EYS: variants seen among roughly 807,000 people sequenced by gnomAD.
EYS encodes protein eyes shut homolog.
Under a neutral mutation model 282.1 loss-of-function variants are expected in EYS, and 250 were observed. The ratio of observed to expected loss-of-function variants is 0.89; its 90% confidence interval spans 0.80 to 0.98. The LOEUF is 0.98. Among genes scored for constraint, EYS ranks in the 50% least tolerant of loss-of-function variants. The pLI is 0.00. For synonymous variants in EYS, 1,355 were observed against 1,282.9 expected (o/e 1.06, Z -1.20); for missense variants, 4,016 against 3,709.0 (o/e 1.08, Z -2.15).
intron 34 of EYS, among the ~76,000 whole-genome samples, chr6:63,991,558 A>G (rs1337687878): frequency 6.6e-6 from 1 of 151,592 alleles, no homozygotes; most frequent in Non-Finnish European, 1.5e-5. Context: ...GTAATGCCTG[A>G]ATTTAAAAAT....
intron 31 of EYS, among the ~76,000 whole-genome samples, chr6:64,217,536 C>A (rs372587915): frequency 6.6e-6 from 1 of 151,862 alleles, no homozygotes; most frequent in Non-Finnish European, 1.5e-5. Context: ...CCCCCTGCCA[C>A]CCCCAAGAAA....
At chr6:64,151,685 A>G (rs1379931254) in intron 31 of EYS, among the ~76,000 whole-genome samples, 5 of 152,056 alleles carry the variant, frequency 3.3e-5, no homozygotes, top group African/African-American at 1.2e-4. Flanking sequence ...AAATAAGTAT[A>G]TATATCATCA....
At chr6:63,750,144 A>G (rs1317723399) in intron 41 of EYS, among the ~76,000 whole-genome samples, 1 of 152,010 alleles carries the variant, frequency 6.6e-6, no homozygotes, top group East Asian at 1.9e-4. Flanking sequence ...TATTTTGTTC[A>G]TGCATAATTT....
chr6:65,229,269 A>G (rs576041116), intron 12 of EYS, among the ~76,000 whole-genome samples: 1 of 80,246 alleles, frequency 1.2e-5, no homozygotes, highest in African/African-American at 3.2e-5. Flanking sequence ...CGGCTAGATA[A>G]ACAAAAAAGA....
At chr6:63,807,260 A>G (rs1399546743) in intron 36 of EYS, among the ~76,000 whole-genome samples, 2 of 152,122 alleles carry the variant, frequency 1.3e-5, no homozygotes, top group African/African-American at 4.8e-5. Flanking sequence ...TGTTCCTAGG[A>G]TCTATTTTTA....
At chr6:65,086,546 T>G (rs1188760016) in intron 12 of EYS, among the ~76,000 whole-genome samples, 2 of 152,132 alleles carry the variant, frequency 1.3e-5, no homozygotes, top group Non-Finnish European at 2.9e-5. Context: ...AGCAGAGATA[T>G]TATTTCCAAA....
intron 2 of EYS, among the ~76,000 whole-genome samples, chr6:65,592,142 T>C (rs1257958484): frequency 3.3e-5 from 5 of 151,976 alleles, no homozygotes; most frequent in Non-Finnish European, 7.4e-5. Context: ...TTCTATTCTA[T>C]AGCTTTCACT....
intron 30 of EYS, among the ~76,000 whole-genome samples, chr6:64,245,429 C>T (rs1401926253): frequency 6.7e-6 from 1 of 149,362 alleles, no homozygotes; most frequent in Non-Finnish European, 1.5e-5. Context: ...ATCCTCTTAC[C>T]TAAGCCTCCC....
intron 4 of EYS, chr6:65,491,581 C>T (rs1438393324): frequency 1.1e-5 from 5 of 435,124 alleles, no homozygotes; most frequent in South Asian, 1.7e-5. Flanking sequence ...CATTTGCCTC[C>T]AAGCAACCCT....
intron 2 of EYS, among the ~76,000 whole-genome samples, chr6:65,605,452 G>A (rs1765753719): frequency 6.6e-6 from 1 of 151,862 alleles, no homozygotes; most frequent in Non-Finnish European, 1.5e-5. Context: ...ATGTCCACGT[G>A]CATATAAATT....
chr6:64,666,664 A>G (rs1448196204), intron 22 of EYS, among the ~76,000 whole-genome samples: 1 of 152,136 alleles, frequency 6.6e-6, no homozygotes, highest in East Asian at 1.9e-4. Flanking sequence ...ATGACTACTA[A>G]CTTGTGTTTC....
At chr6:64,854,953 G>C (rs1766007473) in intron 19 of EYS, among the ~76,000 whole-genome samples, 1 of 152,018 alleles carries the variant, frequency 6.6e-6, no homozygotes, top group Non-Finnish European at 1.5e-5. Flanking sequence ...AGACTTTTGT[G>C]TTGACAGTTT....
intron 22 of EYS, among the ~76,000 whole-genome samples, chr6:64,643,113 C>T (rs917686698): frequency 7.8e-5 from 2 of 25,656 alleles, no homozygotes. Context: ...GAAACTCCAT[C>T]CCCCCCCCCA....
chr6:65,130,131 G>GA (rs1049888688), intron 12 of EYS, among the ~76,000 whole-genome samples: 8 of 151,682 alleles, frequency 5.3e-5, no homozygotes, highest in African/African-American at 1.9e-4. Flanking sequence ...ATAAAAATAG[G>GA]AAAAAATAGA....
At chr6:65,616,385 T>C (rs557751497) in intron 2 of EYS, among the ~76,000 whole-genome samples, 1 of 140,850 alleles carries the variant, frequency 7.1e-6, no homozygotes, top group Admixed American at 7.3e-5. Context: ...AATGTGTTAA[T>C]CAACCTTGTT....
At chr6:65,572,230 C>T (rs186921033) in intron 2 of EYS, among the ~76,000 whole-genome samples, 41 of 152,008 alleles carry the variant, frequency 2.7e-4, no homozygotes, top group East Asian at 2.3e-3. Flanking sequence ...TATATCCTTA[C>T]GGAGATACAA....
At chr6:65,416,631 T>G (rs192014820) in intron 5 of EYS, among the ~76,000 whole-genome samples, 1 of 152,170 alleles carries the variant, frequency 6.6e-6, no homozygotes, top group Non-Finnish European at 1.5e-5. Context: ...CATTATGTTT[T>G]ATTACAATTT....
intron 12 of EYS, among the ~76,000 whole-genome samples, chr6:65,103,952 A>G (rs1774964688): frequency 6.6e-6 from 1 of 151,456 alleles, no homozygotes; most frequent in Admixed American, 6.6e-5. Context: ...TTTACTGGTC[A>G]TTAAAAATGT....
intron 35 of EYS, among the ~76,000 whole-genome samples, chr6:63,915,892 G>A (rs1247686952): frequency 6.6e-6 from 1 of 152,162 alleles, no homozygotes. Context: ...TCTTATGAAT[G>A]AGCAAAGATG....
Sources: gnomAD v4.1 joint callset for allele counts (sites outside exome capture counted in the v4.1 genomes callset) on GRCh38, gnomAD v4.1.1 for gene constraint, MANE v1.5 for transcripts, NCBI Gene and HGNC (gene_info 2026-07-23, HGNC 2026-07-21) for gene names.